The following IQCH variants were observed in gnomAD, a reference collection of about 807,000 sequenced individuals.
IQCH encodes IQ motif containing H.
In IQCH, 98 loss-of-function variants were observed where a neutral mutation model predicts 117.0. That is an observed-to-expected ratio of 0.84 (90% CI 0.71 to 0.99). The LOEUF is 0.99. Ranked by LOEUF, IQCH falls within the 50% of genes least tolerant of loss-of-function variation. The pLI, the probability that IQCH is intolerant of heterozygous loss-of-function variation, is 0.00. For missense variants in IQCH, 1,102 were observed against 1,243.8 expected (o/e 0.89, Z 1.72); for synonymous variants, 412 against 448.2 (o/e 0.92, Z 1.02).
intron 16 of IQCH, among the ~76,000 whole-genome samples, chr15:67,423,884 G>A (rs1246996714): frequency 6.6e-6 from 1 of 151,540 alleles, no homozygotes; most frequent in Non-Finnish European, 1.5e-5. Context: ...AAAAAAGGAA[G>A]AAGGAGAGTG....
rs2082969057 is a variant in IQCH, at chr15:67,467,704, T to C, written c.2676+2407T>C. On this transcript the variant is annotated intron_variant, in intron 17 of 20. Transcript: ENST00000335894. This position sits in a 1 kb window ranked among gnomAD's most constrained non-coding sequence, Gnocchi z 5.7. ...ACACGCGGTACAACTCACAAGCAAA[T>C]CGAAGCTTCCTGAACAAGTGTGAAC... 6.6e-6 allele frequency among the ~76,000 whole-genome samples: 1 copy of C among 152,114 alleles called. No individual in the cohort carries two copies. The highest frequency in any genetic ancestry group is 2.1e-4 in the South Asian group (1 of 4,822).
chr15:67,450,227 C>G (rs2082488809), intron 16 of IQCH, among the ~76,000 whole-genome samples: 2 of 152,110 alleles, frequency 1.3e-5, no homozygotes, highest in Non-Finnish European at 2.9e-5. Context: ...CTTCTCCTGC[C>G]TGATTGCCCT....
chr15:67,289,962 T>C (rs1302340883), intron 4 of IQCH, among the ~76,000 whole-genome samples: 3 of 152,088 alleles, frequency 2.0e-5, no homozygotes, highest in Non-Finnish European at 2.9e-5. Context: ...CCAAATCACT[T>C]TTGGCCATTT....
intron 6 of IQCH, among the ~76,000 whole-genome samples, chr15:67,351,265 G>C (rs2140714282): frequency 6.6e-6 from 1 of 151,204 alleles, no homozygotes; most frequent in Non-Finnish European, 1.5e-5. Flanking sequence ...AACAGTCCCT[G>C]GTGTGTAATG....
At position 67,494,570 on chromosome 15, in the gene IQCH, A is replaced by G. The variant is rs1330128034; in HGVS notation, c.2970+204A>G. Among the ~76,000 whole-genome samples, 1 of 152,198 alleles carries G rather than the reference A, an allele frequency of 6.6e-6. No homozygotes were observed. Among genetic ancestry groups the G allele is most frequent in the Non-Finnish European group, 1.5e-5 (1 of 68,030 alleles). On this transcript the variant is annotated intron_variant, in intron 20 of 20. Transcript: ENST00000335894. This position sits in a 1 kb window ranked among gnomAD's most constrained non-coding sequence, Gnocchi z 5.5. ...GTTTGAAACTTTTTCTTTGAAATAG[A>G]GTTGACTTTTAACTTGCTGCCATTT...
chr15:67,304,272 G>C, intron 4 of IQCH: 1 of 727,254 alleles, frequency 1.4e-6, no homozygotes, highest in Non-Finnish European at 2.3e-6. Context: ...ACTCCTTTGA[G>C]GATATAAAAT....
chr15:67,313,456 T>G (rs1302729384), intron 4 of IQCH, among the ~76,000 whole-genome samples: 2 of 152,122 alleles, frequency 1.3e-5, no homozygotes, highest in African/African-American at 2.4e-5. Context: ...TGGTTCCTTG[T>G]GGAACCACTA....
At chr15:67,451,415 T>C (rs1006192772) in intron 16 of IQCH, among the ~76,000 whole-genome samples, 5 of 152,168 alleles carry the variant, frequency 3.3e-5, no homozygotes, top group Admixed American at 3.3e-4. Flanking sequence ...GAGATTCTGG[T>C]ATGTTGTGTC....
intron 6 of IQCH, among the ~76,000 whole-genome samples, chr15:67,351,183 A>G (rs1246534313): frequency 2.0e-5 from 3 of 152,080 alleles, no homozygotes; most frequent in Non-Finnish European, 2.9e-5. Flanking sequence ...TCAACCCATC[A>G]TTTAGGTTTT....
Position 67,500,694 on chromosome 15 carries a change from A to G in IQCH, c.3032A>G (p.Glu1011Gly), listed in dbSNP as rs952222036. 6.2e-7 allele frequency: 1 copy of G among 1,605,520 alleles called. No homozygotes were observed. The highest frequency in any genetic ancestry group is 1.7e-5 in the Admixed American group (1 of 59,158). ...ACAAAGGAAAACAAAATGAGATTTG[A>G]AGAGGAGCAACAGTCCAAAGATGAT... Reference protein sequence around the residue: ...RVTKENKMRFEEEQQSKDDKN... With the variant: ...RVTKENKMRFGEEQQSKDDKN... The change falls in exon 21 of 21, where the codon GAA (glutamate) becomes GGA (glycine). Residue 1011 changes from glutamate (E) to glycine (G), a missense_variant. Physicochemically the swap from Glu to Gly is moderately conservative, Grantham distance 98. Transcript: ENST00000335894. This position sits in a 1 kb window ranked among gnomAD's most constrained non-coding sequence, Gnocchi z 4.4.
At chr15:67,261,953 G>A (rs2140432410) in intron 2 of IQCH, among the ~76,000 whole-genome samples, 1 of 152,222 alleles carries the variant, frequency 6.6e-6, no homozygotes, top group Non-Finnish European at 1.5e-5. Flanking sequence ...GCCAGGCATG[G>A]TGGCACACGC....
chr15:67,418,011 T>C (rs1406810070), intron 15 of IQCH, among the ~76,000 whole-genome samples: 1 of 152,204 alleles, frequency 6.6e-6, no homozygotes, highest in Non-Finnish European at 1.5e-5. Context: ...CTTCTAAGTA[T>C]ATCTATGTTA....
intron 8 of IQCH, chr15:67,371,285 A>G (rs1970523719): frequency 3.4e-6 from 1 of 291,640 alleles, no homozygotes; most frequent in Admixed American, 5.4e-5. Flanking sequence ...TTTAACATAG[A>G]AAGTGTAAAG....
chr15:67,301,734 T>G (rs1967055945), intron 4 of IQCH, among the ~76,000 whole-genome samples: 1 of 152,064 alleles, frequency 6.6e-6, no homozygotes. Flanking sequence ...TCTTTAAACA[T>G]AGATTCCTTT....
rs1336479946 is a variant in IQCH at position 67,501,200 on chromosome 15, T to C, written c.*454T>C. ...GAATTGCTATTTGTCAAAACACAAA[T>C]GCCTTTTTTTCAAAGCTTCAAATTA... On this transcript the variant is annotated 3_prime_UTR_variant, in exon 21 of 21. Coordinates refer to ENST00000335894, the MANE Select transcript of IQCH (RefSeq NM_001031715.3). The surrounding 1 kb of genome is among the most constrained non-coding windows in gnomAD (Gnocchi z 5.2). The C allele has an allele frequency of 1.3e-5, 2 of 152,218 alleles. No homozygotes were observed. The highest frequency in any genetic ancestry group is 2.9e-5 in the Non-Finnish European group (2 of 68,028). The allele number at this position is 152,218 out of a possible 1,614,324, so 9.4% of individuals were successfully genotyped here. A position where few individuals can be genotyped will look rare whatever the true frequency, so the allele number is the denominator to read the frequency against.
At chr15:67,261,532 G>A in intron 2 of IQCH, 138 bp downstream of exon 2, 2 of 641,650 alleles carry the variant, frequency 3.1e-6, no homozygotes, top group Non-Finnish European at 5.2e-6. Flanking sequence ...TTCTTGTTTT[G>A]TTATTTGTTC....
chr15:67,330,360 C>T (rs1244877308), intron 4 of IQCH, among the ~76,000 whole-genome samples: 1 of 152,148 alleles, frequency 6.6e-6, no homozygotes, highest in African/African-American at 2.4e-5. Context: ...AACTGAGACT[C>T]AGAGAAGTTA....
At chr15:67,450,704 C>G (rs2082502954) in intron 16 of IQCH, among the ~76,000 whole-genome samples, 1 of 152,122 alleles carries the variant, frequency 6.6e-6, no homozygotes, top group Non-Finnish European at 1.5e-5. Context: ...TGTGTCTCTG[C>G]CAGGCTTTGG....
At chr15:67,349,032 G>A (rs576119393) in intron 6 of IQCH, among the ~76,000 whole-genome samples, 120 of 152,318 alleles carry the variant, frequency 7.9e-4, no homozygotes, top group African/African-American at 2.8e-3. Context: ...AACAAATTGT[G>A]CTGGAAGAAC....
Sources: gnomAD v4.1 joint callset for allele counts (sites outside exome capture counted in the v4.1 genomes callset) on GRCh38, gnomAD v4.1.1 for gene constraint, Gnocchi (gnomAD v3.1) non-coding constraint, MANE v1.5 for transcripts, NCBI Gene and HGNC (gene_info 2026-07-23, HGNC 2026-07-21) for gene names.